The following ROR2 variants were observed in gnomAD, a reference collection of about 807,000 sequenced individuals.
ROR2 encodes tyrosine-protein kinase transmembrane receptor ROR2.
In ROR2, 33 loss-of-function variants were observed where a neutral mutation model predicts 74.9. The observed-to-expected ratio is 0.44, with a 90% CI of 0.33 to 0.59. The LOEUF is 0.59. Ranked by LOEUF, ROR2 falls within the 20% of genes least tolerant of loss-of-function variation. The pLI is 0.02. For synonymous variants in ROR2, 586 were observed against 558.7 expected, an observed-to-expected ratio of 1.05 and a Z score of -0.69; for missense variants, 1,216 against 1,313.8, an observed-to-expected ratio of 0.93 and a Z score of 1.15.
At chr9:91,766,149 C>A (rs1826051581) in intron 2 of ROR2, among the ~76,000 whole-genome samples, 1 of 152,232 alleles carries the variant, frequency 6.6e-6, no homozygotes, top group African/African-American at 2.4e-5. Flanking sequence ...CTGTGGCCCA[C>A]AGACACGTCC....
intron 1 of ROR2, among the ~76,000 whole-genome samples, chr9:91,929,356 A>T (rs575547832): frequency 6.6e-6 from 1 of 152,332 alleles, no homozygotes; most frequent in Non-Finnish European, 1.5e-5. Flanking sequence ...AGGAAAATTT[A>T]AAAGCTCCGC....
chr9:91,870,756 C>T (rs1829772868), intron 1 of ROR2, among the ~76,000 whole-genome samples: 2 of 152,216 alleles, frequency 1.3e-5, no homozygotes, highest in Non-Finnish European at 2.9e-5. Flanking sequence ...TGCAAATGGC[C>T]TCAAGCCACA....
At chr9:91,747,181 C>T (rs1382599815) in intron 4 of ROR2, among the ~76,000 whole-genome samples, 4 of 152,194 alleles carry the variant, frequency 2.6e-5, no homozygotes, top group Admixed American at 6.5e-5. Context: ...ACCCGGGCCT[C>T]GGAAGGTCCA....
intron 4 of ROR2, among the ~76,000 whole-genome samples, chr9:91,740,507 A>AG (rs1825192991): frequency 1.3e-5 from 2 of 148,732 alleles, no homozygotes; most frequent in East Asian, 2.0e-4. Flanking sequence ...AGCCGAGAAT[A>AG]CGCCACTGCA....
intron 1 of ROR2, among the ~76,000 whole-genome samples, chr9:91,854,582 C>T (rs1829217410): frequency 6.6e-6 from 1 of 152,156 alleles, no homozygotes; most frequent in Non-Finnish European, 1.5e-5. Flanking sequence ...GTTTTGTAGA[C>T]AAGAAAATTA....
At chr9:91,840,402 C>T (rs1456146812) in intron 1 of ROR2, among the ~76,000 whole-genome samples, 1 of 152,204 alleles carries the variant, frequency 6.6e-6, no homozygotes, top group Non-Finnish European at 1.5e-5. Flanking sequence ...TCCAAAGGCA[C>T]CCTCCAGACG....
intron 1 of ROR2, among the ~76,000 whole-genome samples, chr9:91,810,094 G>C (rs1827695369): frequency 6.6e-6 from 1 of 152,258 alleles, no homozygotes; most frequent in African/African-American, 2.4e-5. Flanking sequence ...AGCAGGCACA[G>C]GGCCTCCAGC....
intron 1 of ROR2, among the ~76,000 whole-genome samples, chr9:91,936,180 T>C (rs376514915): frequency 6.6e-6 from 1 of 152,266 alleles, no homozygotes; most frequent in East Asian, 1.9e-4. Flanking sequence ...GTAAAATCAA[T>C]AGTGAGCTGC....
At chr9:91,921,536 C>G (rs1312707426) in intron 1 of ROR2, among the ~76,000 whole-genome samples, 1 of 152,190 alleles carries the variant, frequency 6.6e-6, no homozygotes, top group Non-Finnish European at 1.5e-5. Context: ...TTCTTCCCTT[C>G]TAACTTCAAG....
chr9:91,856,219 G>A (rs1050389781), intron 1 of ROR2, among the ~76,000 whole-genome samples: 4 of 152,170 alleles, frequency 2.6e-5, no homozygotes, highest in African/African-American at 4.8e-5. Flanking sequence ...AGCCAGGCAT[G>A]GTGGTGTGTG....
intron 1 of ROR2, among the ~76,000 whole-genome samples, chr9:91,866,900 T>C (rs1829650740): frequency 1.3e-5 from 2 of 152,132 alleles, no homozygotes; most frequent in African/African-American, 4.8e-5. Flanking sequence ...ATGGAAAGGA[T>C]TTTGAAACCA....
At chr9:91,783,260 A>G (rs34466526) in intron 1 of ROR2, among the ~76,000 whole-genome samples, 36,274 of 152,112 alleles carry the variant, frequency 0.24, 4,512 homozygotes, top group Middle Eastern at 0.36. Flanking sequence ...ACAGAGGACT[A>G]GGACTCCTGT....
intron 1 of ROR2, among the ~76,000 whole-genome samples, chr9:91,800,825 G>A (rs1279601924): frequency 6.6e-6 from 1 of 152,198 alleles, no homozygotes; most frequent in East Asian, 1.9e-4. Context: ...AACACACACT[G>A]GCTTGCAGAC....
intron 1 of ROR2, among the ~76,000 whole-genome samples, chr9:91,847,554 A>G (rs1828967957): frequency 6.6e-6 from 1 of 152,228 alleles, no homozygotes; most frequent in Non-Finnish European, 1.5e-5. Flanking sequence ...TGCAGGAGCC[A>G]GCTCATACAG....
chr9:91,738,462 G>A (rs752019526), intron 4 of ROR2, among the ~76,000 whole-genome samples: 4 of 152,118 alleles, frequency 2.6e-5, no homozygotes, highest in Middle Eastern at 3.2e-3. Flanking sequence ...CATCAGGCAC[G>A]TGTTTCACCT....
rs1825795643 is a variant in ROR2, at chr9:91,757,484, T to C, written c.251A>G (p.Lys84Arg). 2 of 1,613,942 alleles carry C rather than the reference T, an allele frequency of 1.2e-6. No homozygotes were observed. Among genetic ancestry groups the C allele is most frequent in the Non-Finnish European group, 1.7e-6 (2 of 1,180,010 alleles). Residue 84 changes from lysine (K) to arginine (R), a missense_variant, in exon 3 of 9, where the codon AAG becomes AGG. Lys to Arg is a conservative substitution (Grantham distance 26, BLOSUM62 2). Coordinates refer to ENST00000375708, the MANE Select transcript of ROR2 (RefSeq NM_004560.4). ...VQGQTAILHC[K>R]VAGNPPPNVR... ...GTTAGGGGGTGGGTTTCCTGCCACC[T>C]TGCAGTGCAGAATTGCCGTCTGGCC...
At chr9:91,909,838 G>GTTATTTTTTTTTTTTTTT (rs1830909954) in intron 1 of ROR2, among the ~76,000 whole-genome samples, 6 of 63,196 alleles carry the variant, frequency 9.5e-5, no homozygotes, top group African/African-American at 3.2e-4. Context: ...TTTTTTTTAG[G>GTTATTTTTTTTTTTTTTT]TTTGTTTTGT....
intron 1 of ROR2, among the ~76,000 whole-genome samples, chr9:91,777,728 T>A (rs1051763427): frequency 5.9e-5 from 9 of 152,186 alleles, no homozygotes; most frequent in Admixed American, 2.0e-4. Flanking sequence ...CAGCCCCTGG[T>A]AACCACGAAT....
intron 1 of ROR2, among the ~76,000 whole-genome samples, chr9:91,848,502 T>C (rs1828992616): frequency 6.6e-6 from 1 of 152,170 alleles, no homozygotes; most frequent in East Asian, 1.9e-4. Flanking sequence ...GGCTCATGCC[T>C]GTAATCCCAG....
Sources: allele counts gnomAD v4.1 joint callset (sites outside exome capture counted in the v4.1 genomes callset), GRCh38; gene constraint gnomAD v4.1.1; transcripts MANE v1.5; gene names NCBI Gene and HGNC (gene_info 2026-07-23, HGNC 2026-07-21).